TUT4: variants seen among roughly 807,000 people sequenced by gnomAD.
The protein encoded by TUT4 is terminal uridylyltransferase 4.
TUT4 carries 36 observed loss-of-function variants against 192.2 expected under a neutral mutation model. The observed-to-expected ratio is 0.19, with a 90% CI of 0.14 to 0.25. The LOEUF is 0.25. Ranked by LOEUF, TUT4 falls within the 10% of genes least tolerant of loss-of-function variation. TUT4 has a pLI of 1.00. For missense variants in TUT4, 1,493 were observed against 1,957.2 expected (o/e 0.76, Z 4.47); for synonymous variants, 618 against 666.0 (o/e 0.93, Z 1.11).
At chr1:52,477,171 T>G (rs13373974) in intron 12 of TUT4, among the ~76,000 whole-genome samples, 1,754 of 152,286 alleles carry the variant, frequency 0.012, 33 homozygotes, top group African/African-American at 0.04. Flanking sequence ...AAAATAAAAT[T>G]TTCAACATTT....
chr1:52,551,612 A>C (rs762257772), intron 1 of TUT4, among the ~76,000 whole-genome samples: 1 of 152,258 alleles, frequency 6.6e-6, no homozygotes, highest in Non-Finnish European at 1.5e-5. Context: ...AGTTGTGACT[A>C]ATCAGTACTA....
chr1:52,520,873 A>AC (rs565201780), intron 2 of TUT4, among the ~76,000 whole-genome samples: 68 of 151,932 alleles, frequency 4.5e-4, no homozygotes, highest in African/African-American at 1.5e-3. Context: ...GCTCACTGCA[A>AC]CCTCCGCCTC....
Position 52,463,350 on chromosome 1 carries a change from G to A in TUT4, c.3070-1581C>T, listed in dbSNP as rs887715231. 3 of 995,948 alleles carry A rather than the reference G, an allele frequency of 3.0e-6. No homozygotes were observed. The African/African-American group carries it at 5.2e-5, about 17-fold the overall frequency. 61.7% of individuals were successfully genotyped at this position (995,948 alleles called of 1,614,324 possible). A position where few individuals can be genotyped will look rare whatever the true frequency, so the allele number is the denominator to read the frequency against. ...CTCTAAGCAGAATTTAAGTAAAGGA[G>A]AACAAATAAAATACTTGCAACTTTT... On this transcript the variant is annotated intron_variant, in intron 16 of 29. Transcript: ENST00000257177.
chr1:52,447,111 A>G (rs933853565), intron 20 of TUT4, among the ~76,000 whole-genome samples: 3 of 152,324 alleles, frequency 2.0e-5, no homozygotes, highest in South Asian at 4.1e-4. Flanking sequence ...TCATTTATCT[A>G]TATCAGATAA....
rs34845083 is a variant in TUT4 at position 52,514,777 on chromosome 1, A to AT, written c.882+1113dup. 4.4e-3 allele frequency: 595 copies of AT among 135,562 alleles called. 4 individuals carry two copies. Among genetic ancestry groups the AT allele is most frequent in the South Asian group, 0.02 (85 of 4,302 alleles). 8.4% of individuals were successfully genotyped at this position (135,562 alleles called of 1,614,324 possible). On this transcript the variant is annotated intron_variant, in intron 3 of 29. Coordinates refer to ENST00000257177, the MANE Select transcript of TUT4 (RefSeq NM_001009881.3). ...CTGTTTGTCAATAGTTTTATTTGTG[A>AT]TTTTTTTTTTTTTTTTTTGAGATGG... is the stretch of plus-strand genomic sequence containing the variant.
At chr1:52,508,663 G>T (rs929717715) in intron 4 of TUT4, among the ~76,000 whole-genome samples, 3 of 152,142 alleles carry the variant, frequency 2.0e-5, no homozygotes, top group African/African-American at 7.2e-5. Context: ...TGTTATGGGG[G>T]CACAGAGAAG....
intron 20 of TUT4, among the ~76,000 whole-genome samples, chr1:52,451,075 C>G (rs1659253937): frequency 6.6e-6 from 1 of 151,968 alleles, no homozygotes; most frequent in Admixed American, 6.5e-5. Flanking sequence ...ACCATCCTGG[C>G]TAACACGGTG....
chr1:52,542,672 T>G (rs933431891), intron 1 of TUT4, among the ~76,000 whole-genome samples: 12 of 152,152 alleles, frequency 7.9e-5, no homozygotes, highest in African/African-American at 2.9e-4. Flanking sequence ...ACAGTAGACA[T>G]CATACTCAAT....
chr1:52,513,705 C>T (rs998764470), intron 3 of TUT4, among the ~76,000 whole-genome samples: 1 of 152,128 alleles, frequency 6.6e-6, no homozygotes, highest in African/African-American at 2.4e-5. Context: ...CTTTCAATAA[C>T]AACTGACCTT....
chr1:52,447,216 G>A (rs1657776533), intron 20 of TUT4, among the ~76,000 whole-genome samples: 1 of 152,086 alleles, frequency 6.6e-6, no homozygotes, highest in South Asian at 2.1e-4. Flanking sequence ...TTGGGAGGCC[G>A]AGAATGGTGG....
chr1:52,436,410 C>T (rs771769811), intron 26 of TUT4, among the ~76,000 whole-genome samples: 4 of 151,956 alleles, frequency 2.6e-5, no homozygotes, highest in Non-Finnish European at 4.4e-5. Context: ...CGCTTGAACC[C>T]GGGAGGCAGA....
chr1:52,427,900 G>A (rs553594963), intron 28 of TUT4, among the ~76,000 whole-genome samples: 10 of 152,238 alleles, frequency 6.6e-5, no homozygotes, highest in African/African-American at 2.4e-4. Context: ...GGAAATACAC[G>A]GACCCACCAA....
chr1:52,516,706 T>C (rs1678805547), intron 2 of TUT4, among the ~76,000 whole-genome samples: 1 of 152,212 alleles, frequency 6.6e-6, no homozygotes, highest in African/African-American at 2.4e-5. Flanking sequence ...AATCACCTTA[T>C]TCTCTTGCTT....
intron 1 of TUT4, among the ~76,000 whole-genome samples, chr1:52,552,476 T>C (rs1689719921): frequency 6.6e-6 from 1 of 152,232 alleles, no homozygotes; most frequent in Non-Finnish European, 1.5e-5. Flanking sequence ...TATATGCGTG[T>C]ATACATTTAT....
intron 1 of TUT4, among the ~76,000 whole-genome samples, chr1:52,533,536 TGTC>T (rs1684053931): frequency 1.3e-5 from 2 of 152,328 alleles, no homozygotes; most frequent in African/African-American, 2.4e-5. Flanking sequence ...TCACTACAGT[TGTC>T]GTTATACTGA....
intron 11 of TUT4, among the ~76,000 whole-genome samples, chr1:52,479,505 G>A (rs1667940878): frequency 6.6e-6 from 1 of 151,884 alleles, no homozygotes; most frequent in African/African-American, 2.4e-5. Flanking sequence ...AGAGATGACA[G>A]GATTTCCTGA....
chr1:52,479,685 C>G (rs1489516544), intron 11 of TUT4, among the ~76,000 whole-genome samples: 8 of 152,110 alleles, frequency 5.3e-5, no homozygotes, highest in African/African-American at 1.9e-4. Context: ...TCAGTTTAGA[C>G]ACATTAAGTT....
In TUT4 at chr1:52,458,384, C is replaced by G. The variant is rs776869190; in HGVS notation, c.3387G>C (p.Leu1129=). The G allele has an allele frequency of 6.2e-7, 1 of 1,613,956 alleles. No individual in the cohort carries two copies. The highest frequency in any genetic ancestry group is 8.5e-7 in the Non-Finnish European group (1 of 1,179,942). ...GTGGCTTTCTCTGCTGCAGAAAGTA[C>G]AGCACCATAAGGATATATGCATATG... The part of the protein sequence containing the change: ...LSSYAYILMV[L]YFLQQRKPPV... The change falls in exon 20 of 30, where the codon CTG becomes CTC. Residue 1129 remains leucine, a synonymous_variant. Transcript: ENST00000257177.
intron 3 of TUT4, 154 bp downstream of exon 3, chr1:52,515,737 G>A: frequency 2.4e-6 from 2 of 826,018 alleles, no homozygotes; most frequent in Non-Finnish European, 3.8e-6. Context: ...GAAGAAAAGA[G>A]GGAAAGAAGA....
Sources: gnomAD v4.1 joint callset for allele counts (sites outside exome capture counted in the v4.1 genomes callset) on GRCh38, gnomAD v4.1.1 for gene constraint, MANE v1.5 for transcripts, NCBI Gene and HGNC (gene_info 2026-07-23, HGNC 2026-07-21) for gene names.